MYH11: variants seen among roughly 807,000 people sequenced by gnomAD.
MYH11 encodes myosin-11.
In MYH11, 80 loss-of-function variants were observed where a neutral mutation model predicts 246.6. The observed-to-expected ratio is 0.32, with a 90% confidence interval of 0.27 to 0.39. MYH11 has a LOEUF of 0.39. MYH11 is among the 10% of genes least tolerant of loss of function. The pLI is 1.00. For missense variants in MYH11, 2,158 were observed against 2,546.8 expected, an observed-to-expected ratio of 0.85 and a Z score of 3.29; for synonymous variants, 1,071 against 1,015.5, an observed-to-expected ratio of 1.05 and a Z score of -1.04.
intron 3 of MYH11, among the ~76,000 whole-genome samples, chr16:15,813,584 G>A (rs1157418693): frequency 6.6e-6 from 1 of 152,078 alleles, no homozygotes; most frequent in Non-Finnish European, 1.5e-5. Flanking sequence ...TCACTTCTTT[G>A]TAAAAGAAGG....
At chr16:15,704,402 A>G (rs931123418) in intron 40 of MYH11, among the ~76,000 whole-genome samples, 2 of 150,188 alleles carry the variant, frequency 1.3e-5, no homozygotes, top group African/African-American at 5.1e-5. Flanking sequence ...CTGCTTTTCA[A>G]TATGTCAGGC....
Position 15,771,606 on chromosome 16 carries a change from G to A in MYH11, c.996C>T (p.Ala332=). 1 of 1,613,886 alleles carries A rather than the reference G, an allele frequency of 6.2e-7. No individual in the cohort carries two copies. The change falls in exon 9 of 41, where the codon GCC becomes GCT. Residue 332 remains alanine, a synonymous_variant. Coordinates refer to ENST00000300036, the MANE Select transcript of MYH11 (RefSeq NM_002474.3). ...DDEMFQETVE[A]MAIMGFSEEE... is the part of the protein sequence containing the mutation. ...CCTCGCTGAAACCCATGATTGCCATGGCCTCCACGGTTTCCTGGAACATCT... is the reference window on the plus strand; with the variant it reads ...CCTCGCTGAAACCCATGATTGCCATAGCCTCCACGGTTTCCTGGAACATCT...
At chr16:15,708,259 T>C (rs2039574785) in intron 40 of MYH11, among the ~76,000 whole-genome samples, 1 of 152,170 alleles carries the variant, frequency 6.6e-6, no homozygotes, top group East Asian at 1.9e-4. Flanking sequence ...GACAAGCCTG[T>C]GAAAGCTGAA....
chr16:15,738,541 T>G, intron 24 of MYH11, 24 bp downstream of exon 24: 1 of 1,594,292 alleles, frequency 6.3e-7, no homozygotes, highest in East Asian at 2.2e-5. Flanking sequence ...AAAATAAAAA[T>G]AAATCTCTTG....
chr16:15,727,962 C>T (rs190282788), intron 27 of MYH11, among the ~76,000 whole-genome samples: 38 of 152,282 alleles, frequency 2.5e-4, no homozygotes, highest in African/African-American at 8.7e-4. Flanking sequence ...CAAAGTGAGA[C>T]CCTGTTTCAG....
chr16:15,783,952 A>G (rs2042411305), intron 5 of MYH11, among the ~76,000 whole-genome samples: 1 of 152,042 alleles, frequency 6.6e-6, no homozygotes, highest in Admixed American at 6.5e-5. Flanking sequence ...TCTTTTCGGG[A>G]GCCAAGGAAG....
Position 15,737,608 on chromosome 16 carries a change from T to C in MYH11, c.3134A>G (p.Lys1045Arg). The change falls in exon 25 of 41, where the codon AAG becomes AGG. Residue 1045 changes from lysine to arginine, a missense_variant. By Grantham distance (26) the Lys-to-Arg change is conservative. Coordinates refer to ENST00000300036, the MANE Select transcript of MYH11 (RefSeq NM_002474.3). ...CAGCTCCTGTCGGCTCTTCTCTTCC[T>C]TCTTTAGCCGCACTGCAAAAACCAA... is the stretch of plus-strand genomic sequence containing the variant. Reference protein sequence around the residue: ...MISELEVRLKKEEKSRQELEK... With the variant: ...MISELEVRLKREEKSRQELEK... 2 of 1,612,852 alleles carry C rather than the reference T, an allele frequency of 1.2e-6. No individual in the cohort carries two copies. Among genetic ancestry groups the C allele is most frequent in the East Asian group, 2.2e-5 (1 of 44,868 alleles).
intron 7 of MYH11, 30 bp from the exon 8 acceptor site, chr16:15,776,206 G>C: frequency 1.4e-6 from 2 of 1,466,016 alleles, no homozygotes; most frequent in Non-Finnish European, 1.9e-6. Context: ...GGATTCTGGG[G>C]ATACTGCGGG....
At chr16:15,710,765 C>G (rs2039740807) in intron 40 of MYH11, among the ~76,000 whole-genome samples, 1 of 152,024 alleles carries the variant, frequency 6.6e-6, no homozygotes, top group African/African-American at 2.4e-5. Flanking sequence ...CAGGCTCCTC[C>G]TCCTGGGTTG....
At chr16:15,787,944 C>A (rs2042510172) in intron 4 of MYH11, among the ~76,000 whole-genome samples, 1 of 152,044 alleles carries the variant, frequency 6.6e-6, no homozygotes, top group Admixed American at 6.6e-5. Context: ...GGCTGATGAT[C>A]TCAGCCAAGT....
Position 15,715,236 on chromosome 16 carries a change from T to C in MYH11, c.5541A>G (p.Lys1847=), listed in dbSNP as rs1349787554. The change falls in exon 39 of 41, where the codon AAA becomes AAG. Residue 1847 remains lysine (K), a synonymous_variant. Transcript: ENST00000300036. ...GCAAGATTTCCTTCAGCTTCTTGTCTTTCTGCTTCAGCGACTTGGTGGCCG... is the reference window on the plus strand; with the variant it reads ...GCAAGATTTCCTTCAGCTTCTTGTCCTTCTGCTTCAGCGACTTGGTGGCCG... ...KQAATKSLKQ[K]DKKLKEILLQ... The C allele has an allele frequency of 3.7e-6, 6 of 1,614,170 alleles. No individual in the cohort carries two copies. In the South Asian group the frequency reaches 5.5e-5, roughly 15 times the overall value.
intron 13 of MYH11, 46 bp from the exon 14 acceptor site, chr16:15,756,560 C>T: frequency 1.2e-6 from 2 of 1,606,858 alleles, no homozygotes; most frequent in South Asian, 2.2e-5. Context: ...CACCCAACCT[C>T]AGGCATTCCA....
At chr16:15,795,315 A>G (rs1388771377) in intron 4 of MYH11, among the ~76,000 whole-genome samples, 1 of 144,066 alleles carries the variant, frequency 6.9e-6, no homozygotes, top group Non-Finnish European at 1.5e-5. Context: ...AACAACAACA[A>G]CAAACTGCAG....
At chr16:15,775,144 G>A (rs528949488) in intron 8 of MYH11, among the ~76,000 whole-genome samples, 2 of 152,198 alleles carry the variant, frequency 1.3e-5, no homozygotes, top group South Asian at 2.1e-4. Flanking sequence ...TAAGCTATGC[G>A]ATTTGTATAT....
chr16:15,778,856 A>C lies in MYH11; in HGVS notation c.727-13T>G. 6.2e-7 allele frequency: 1 copy of C among 1,613,994 alleles called. No individual in the cohort carries two copies. Among genetic ancestry groups the C allele is most frequent in the Non-Finnish European group, 8.5e-7 (1 of 1,179,932 alleles). On this transcript the variant is annotated splice_polypyrimidine_tract_variant and intron_variant, in intron 6 of 40. Transcript: ENST00000300036. ...GGATGAATTTGCCCTGCCAACAGGA[A>C]AACACAGTTCAGGCTTTGCTGCCCA...
intron 20 of MYH11, among the ~76,000 whole-genome samples, chr16:15,744,416 A>C (rs893474233): frequency 5.9e-5 from 9 of 151,344 alleles, no homozygotes; most frequent in African/African-American, 2.2e-4. Flanking sequence ...GATGGTCTTG[A>C]TTTCTTGACT....
intron 3 of MYH11, among the ~76,000 whole-genome samples, chr16:15,812,470 A>C (rs1177008208): frequency 7.1e-6 from 1 of 140,996 alleles, no homozygotes; most frequent in Non-Finnish European, 1.5e-5. Flanking sequence ...TAATCCCAGC[A>C]CTTTGGGAGG....
intron 1 of MYH11, among the ~76,000 whole-genome samples, chr16:15,850,837 G>A (rs958662813): frequency 7.2e-5 from 11 of 152,316 alleles, no homozygotes; most frequent in African/African-American, 2.6e-4. Flanking sequence ...AGAGGTTGCA[G>A]TGAGCCAAGA....
intron 15 of MYH11, among the ~76,000 whole-genome samples, chr16:15,753,102 C>G (rs1425126680): frequency 6.6e-6 from 1 of 152,200 alleles, no homozygotes; most frequent in East Asian, 1.9e-4. Context: ...CCTTCTGACT[C>G]TGGACAGGGC....
Sources: allele counts gnomAD v4.1 joint callset (sites outside exome capture counted in the v4.1 genomes callset), GRCh38; gene constraint gnomAD v4.1.1; transcripts MANE v1.5; gene names NCBI Gene and HGNC (gene_info 2026-07-23, HGNC 2026-07-21).